The following LPP variants were observed in gnomAD, a reference collection of about 807,000 sequenced individuals.
LPP encodes LIM domain containing preferred translocation partner in lipoma, also known as lipoma-preferred partner.
LPP carries 38 observed loss-of-function variants against 60.4 expected under a neutral mutation model. That is an observed-to-expected ratio of 0.63 (90% confidence interval 0.49 to 0.83). LPP has a LOEUF of 0.83. LPP is among the 40% of genes least tolerant of loss of function. The probability of loss-of-function intolerance (pLI) is 0.00; values close to 1 mark genes in which losing one functional copy is unlikely to be tolerated. For synonymous variants in LPP, 328 were observed against 290.8 expected (o/e 1.13, Z -1.30); for missense variants, 902 against 783.6 (o/e 1.15, Z -1.80).
At chr3:188,394,454 G>C (rs555218954) in intron 3 of LPP, among the ~76,000 whole-genome samples, 128 of 152,146 alleles carry the variant, frequency 8.4e-4, no homozygotes, top group South Asian at 4.1e-3. Context: ...CTCCACATTA[G>C]ATAAAATGTC....
At chr3:188,696,397 C>T (rs1003420083) in intron 7 of LPP, among the ~76,000 whole-genome samples, 1 of 152,102 alleles carries the variant, frequency 6.6e-6, no homozygotes. Flanking sequence ...CTTTGGGATG[C>T]CGAGGCGGGC....
chr3:188,664,640 G>C (rs1855375195), intron 7 of LPP, among the ~76,000 whole-genome samples: 1 of 151,734 alleles, frequency 6.6e-6, no homozygotes, highest in Admixed American at 6.6e-5. Context: ...TGTGTGTGGA[G>C]AGAGAGAGAA....
chr3:188,352,021 C>T lies in LPP; in HGVS notation c.-10+10302C>T, dbSNP rs1306508413. ...TTACTCCTGCCTCTTCCCTAGCTAG[C>T]CTCGACCTCAACGTGTATTATTTCC... is the stretch of plus-strand genomic sequence containing the variant. On this transcript the variant is annotated intron_variant, in intron 3 of 11. Transcript: ENST00000617246. This position sits in a 1 kb window ranked among gnomAD's most constrained non-coding sequence, Gnocchi z 4.4. Among the ~76,000 whole-genome samples the T allele has an allele frequency of 6.6e-6, 1 of 152,146 alleles. No homozygotes were observed. The highest frequency in any genetic ancestry group is 1.5e-5 in the Non-Finnish European group (1 of 68,028).
intron 3 of LPP, among the ~76,000 whole-genome samples, chr3:188,387,553 G>A (rs1037266948): frequency 4.4e-5 from 6 of 137,354 alleles, no homozygotes; most frequent in Non-Finnish European, 9.1e-5. Flanking sequence ...TGAGACACAC[G>A]GGTCAGAGGT....
chr3:188,849,275 G>A (rs1000874287), intron 9 of LPP, among the ~76,000 whole-genome samples: 3 of 152,010 alleles, frequency 2.0e-5, no homozygotes, highest in Admixed American at 6.6e-5. Flanking sequence ...CTGCAAGGAC[G>A]ACTGGGAAAT....
intron 7 of LPP, among the ~76,000 whole-genome samples, chr3:188,686,611 G>A (rs1008569901): frequency 6.6e-6 from 1 of 152,154 alleles, no homozygotes; most frequent in African/African-American, 2.4e-5. Context: ...CTCACCCCTA[G>A]AGATACTGAA....
chr3:188,364,975 G>A (rs1184684986), intron 3 of LPP, among the ~76,000 whole-genome samples: 1 of 152,192 alleles, frequency 6.6e-6, no homozygotes, highest in Non-Finnish European at 1.5e-5. Flanking sequence ...GAATAGGAAT[G>A]ACAGAGGCAG....
chr3:188,860,278 G>A (rs1223459624), intron 9 of LPP, among the ~76,000 whole-genome samples: 1 of 152,126 alleles, frequency 6.6e-6, no homozygotes, highest in Non-Finnish European at 1.5e-5. Context: ...TTAGGCAATA[G>A]CAGTATTCTG....
intron 7 of LPP, among the ~76,000 whole-genome samples, chr3:188,697,434 G>T (rs1863489617): frequency 6.6e-6 from 1 of 152,168 alleles, no homozygotes; most frequent in Admixed American, 6.5e-5. Flanking sequence ...TCAGTGTCTT[G>T]TGTCACGTTC....
chr3:188,566,276 C>G (rs746337736), intron 6 of LPP, among the ~76,000 whole-genome samples: 2 of 151,890 alleles, frequency 1.3e-5, no homozygotes, highest in Non-Finnish European at 2.9e-5. Context: ...AATATCATAT[C>G]TTGACTTTCA....
At chr3:188,447,710 AG>A (rs1795585134) in intron 4 of LPP, among the ~76,000 whole-genome samples, 1 of 151,142 alleles carries the variant, frequency 6.6e-6, no homozygotes, top group African/African-American at 2.4e-5. Context: ...CGGGAAGTGG[AG>A]GTTGCAGTGA....
At chr3:188,211,831 C>CTT (rs34294160) in intron 1 of LPP, among the ~76,000 whole-genome samples, 3 of 144,680 alleles carry the variant, frequency 2.1e-5, no homozygotes, top group African/African-American at 5.0e-5. Flanking sequence ...TGTTCTTTTT[C>CTT]TTTTTTTTTT....
In LPP at chr3:188,815,797, T is replaced by C. The variant is rs368005696; in HGVS notation, c.1411-50403T>C. On this transcript the variant is annotated intron_variant, in intron 9 of 11. Coordinates refer to ENST00000617246, the MANE Select transcript of LPP (RefSeq NM_001375462.1). ...CCATAATGTCATAGAACACTGGCTG[T>C]TTCTTTGGCAACTGTTCAGGGAAGA... Among the ~76,000 whole-genome samples the C allele has an allele frequency of 4.6e-5, 7 of 152,312 alleles. No individual in the cohort carries two copies. In the East Asian group the frequency reaches 1.4e-3, roughly 29 times the overall value.
chr3:188,251,590 C>G (rs1729651316), intron 2 of LPP, among the ~76,000 whole-genome samples: 1 of 152,042 alleles, frequency 6.6e-6, no homozygotes, highest in African/African-American at 2.4e-5. Flanking sequence ...TATGTATACA[C>G]AAATACTACT....
intron 9 of LPP, among the ~76,000 whole-genome samples, chr3:188,760,504 A>T (rs1731951928): frequency 6.6e-6 from 1 of 151,718 alleles, no homozygotes; most frequent in Non-Finnish European, 1.5e-5. Context: ...AGCAGTCAGA[A>T]AGGTGTATTA....
intron 1 of LPP, among the ~76,000 whole-genome samples, chr3:188,163,033 C>T (rs1328209046): frequency 6.6e-6 from 1 of 152,148 alleles, no homozygotes; most frequent in Non-Finnish European, 1.5e-5. Flanking sequence ...CATTCACGGG[C>T]ATTTCCAGGT....
intron 2 of LPP, among the ~76,000 whole-genome samples, chr3:188,227,206 C>CT (rs1257081538): frequency 6.7e-6 from 1 of 150,194 alleles, no homozygotes; most frequent in East Asian, 2.0e-4. Context: ...ATTATTTATA[C>CT]TTTAAGTTTT....
intron 4 of LPP, among the ~76,000 whole-genome samples, chr3:188,451,066 T>G (rs1338323926): frequency 2.0e-5 from 3 of 152,172 alleles, no homozygotes; most frequent in Non-Finnish European, 1.5e-5. Context: ...TTTTGTTTTT[T>G]TTTAAACATA....
intron 3 of LPP, among the ~76,000 whole-genome samples, chr3:188,381,549 C>T (rs1380274254): frequency 1.3e-5 from 2 of 152,150 alleles, no homozygotes; most frequent in African/African-American, 4.8e-5. Context: ...AGCAAAGTAC[C>T]CGAAGCCAGT....
Sources: gnomAD v4.1 joint callset for allele counts (sites outside exome capture counted in the v4.1 genomes callset) on GRCh38, gnomAD v4.1.1 for gene constraint, Gnocchi (gnomAD v3.1) non-coding constraint, MANE v1.5 for transcripts, NCBI Gene and HGNC (gene_info 2026-07-23, HGNC 2026-07-21) for gene names.